Variants in AGBL1 observed in about 807,000 individuals in gnomAD.
The protein encoded by AGBL1 is AGBL carboxypeptidase 1.
Under a neutral mutation model 118.9 loss-of-function variants are expected in AGBL1, and 130 were observed. The ratio of observed to expected loss-of-function variants is 1.09; its 90% CI spans 0.95 to 1.26. The LOEUF is 1.26. Among genes scored for constraint, AGBL1 ranks in the 50% most tolerant of loss-of-function variants. The pLI, the probability that AGBL1 is intolerant of heterozygous loss-of-function variation, is 0.00. For synonymous variants in AGBL1, 555 were observed against 478.9 expected, an observed-to-expected ratio of 1.16 and a Z score of -2.08; for missense variants, 1,584 against 1,298.1, an observed-to-expected ratio of 1.22 and a Z score of -3.38.
At chr15:86,739,829 C>T (rs959289460) in intron 22 of AGBL1, among the ~76,000 whole-genome samples, 1 of 152,132 alleles carries the variant, frequency 6.6e-6, no homozygotes, top group African/African-American at 2.4e-5. Flanking sequence ...CTGGATACCT[C>T]CAGGGTTTTG....
At chr15:86,943,269 G>A (rs1401687448) in intron 23 of AGBL1, among the ~76,000 whole-genome samples, 4 of 152,156 alleles carry the variant, frequency 2.6e-5, no homozygotes, top group Non-Finnish European at 5.9e-5. Flanking sequence ...AAGAAAAATG[G>A]CAATTCTACT....
chr15:86,127,998 C>T (rs2076769465), intron 1 of AGBL1, among the ~76,000 whole-genome samples: 1 of 151,956 alleles, frequency 6.6e-6, no homozygotes, highest in African/African-American at 2.4e-5. Context: ...TTTGATTGGG[C>T]CATTCATATG....
At chr15:86,946,472 G>A (rs1253364264) in intron 23 of AGBL1, 1 of 151,212 alleles carries the variant, frequency 6.6e-6, no homozygotes, top group Non-Finnish European at 1.5e-5. Context: ...ATGAACACAT[G>A]AGTCCATAAA....
chr15:86,179,043 G>C (rs527734892), intron 5 of AGBL1, among the ~76,000 whole-genome samples: 1 of 152,308 alleles, frequency 6.6e-6, no homozygotes, highest in Non-Finnish European at 1.5e-5. Context: ...TGAGTAATGG[G>C]CCACCTGGTG....
chr15:86,653,227 G>A (rs2085406984), intron 21 of AGBL1, among the ~76,000 whole-genome samples: 1 of 152,000 alleles, frequency 6.6e-6, no homozygotes. Context: ...ATAAGAAATA[G>A]TTAGCCCTGG....
chr15:86,966,185 T>A (rs137899962), intron 23 of AGBL1, among the ~76,000 whole-genome samples: 2 of 151,930 alleles, frequency 1.3e-5, no homozygotes, highest in East Asian at 3.9e-4. Context: ...TCTGTAGTAT[T>A]TTTTAATATA....
chr15:86,393,540 C>T (rs778708767), intron 17 of AGBL1, among the ~76,000 whole-genome samples: 1 of 152,122 alleles, frequency 6.6e-6, no homozygotes, highest in Non-Finnish European at 1.5e-5. Flanking sequence ...CTCTTTATTT[C>T]GAAACAAGCT....
chr15:86,123,543 GA>G (rs1898220456), intron 1 of AGBL1, among the ~76,000 whole-genome samples: 1 of 151,960 alleles, frequency 6.6e-6, no homozygotes, highest in Non-Finnish European at 1.5e-5. Flanking sequence ...CCCACCCCGG[GA>G]CCCCTTTGTC....
chr15:86,493,864 C>T (rs1455904368), intron 18 of AGBL1, among the ~76,000 whole-genome samples: 1 of 152,028 alleles, frequency 6.6e-6, no homozygotes, highest in East Asian at 1.9e-4. Context: ...CCACTTCCCC[C>T]TCCCCTGACT....
intron 23 of AGBL1, among the ~76,000 whole-genome samples, chr15:86,924,015 T>G (rs1348046532): frequency 6.6e-6 from 1 of 152,210 alleles, no homozygotes; most frequent in Non-Finnish European, 1.5e-5. Flanking sequence ...ACAAAAGCAG[T>G]CTCCATAAAT....
chr15:86,893,070 C>T (rs973168684), intron 22 of AGBL1, among the ~76,000 whole-genome samples: 2 of 152,120 alleles, frequency 1.3e-5, no homozygotes, highest in African/African-American at 4.8e-5. Context: ...GCCTCGGGGA[C>T]TCACTCACCC....
intron 19 of AGBL1, among the ~76,000 whole-genome samples, chr15:86,530,666 GCAC>G (rs1364276920): frequency 1.3e-5 from 2 of 151,816 alleles, no homozygotes; most frequent in Non-Finnish European, 1.5e-5. Flanking sequence ...ATTCTTCTCA[GCAC>G]CACACCACAC....
intron 24 of AGBL1, chr15:86,988,502 A>G (rs1343750365): frequency 6.5e-6 from 1 of 153,064 alleles, no homozygotes; most frequent in Non-Finnish European, 1.5e-5. Context: ...ATGATATTAC[A>G]TTTTATAGAT....
chr15:86,473,082 A>C (rs2082501713), intron 18 of AGBL1, among the ~76,000 whole-genome samples: 1 of 152,236 alleles, frequency 6.6e-6, no homozygotes, highest in South Asian at 2.1e-4. Flanking sequence ...TGTTACTTTA[A>C]AATATCATTA....
intron 23 of AGBL1, among the ~76,000 whole-genome samples, chr15:86,971,366 C>T (rs997395196): frequency 2.0e-5 from 3 of 151,964 alleles, no homozygotes; most frequent in Admixed American, 1.3e-4. Flanking sequence ...CCATCTACTA[C>T]GTGTTTCCTT....
At chr15:86,244,035 GTAGA>G (rs202048303) in intron 6 of AGBL1, among the ~76,000 whole-genome samples, 5 of 136,380 alleles carry the variant, frequency 3.7e-5, no homozygotes, top group African/African-American at 1.4e-4. Context: ...AAATAGATAA[GTAGA>G]TAGATAGATA....
intron 15 of AGBL1, among the ~76,000 whole-genome samples, chr15:86,278,320 C>T (rs2079290935): frequency 1.3e-5 from 2 of 152,154 alleles, no homozygotes; most frequent in South Asian, 2.1e-4. Context: ...AGGGTACCCT[C>T]CTTTCCCTAG....
At chr15:86,454,291 A>G (rs3902881) in intron 18 of AGBL1, among the ~76,000 whole-genome samples, 82,266 of 152,058 alleles carry the variant, frequency 0.54, 23,080 homozygotes, top group East Asian at 0.82. Context: ...TGCCAAAAAT[A>G]TAGAACGATT....
chr15:86,739,068 C>T (rs1442097992), intron 22 of AGBL1, among the ~76,000 whole-genome samples: 1 of 152,064 alleles, frequency 6.6e-6, no homozygotes, highest in African/African-American at 2.4e-5. Flanking sequence ...ATTGCTTGAG[C>T]CTGGGAGGTT....
Sources: allele counts gnomAD v4.1 joint callset (sites outside exome capture counted in the v4.1 genomes callset), GRCh38; gene constraint gnomAD v4.1.1; transcripts MANE v1.5; gene names NCBI Gene and HGNC (gene_info 2026-07-23, HGNC 2026-07-21).